The following ZC3H3 variants were observed in gnomAD, a reference collection of about 807,000 sequenced individuals.
The protein encoded by ZC3H3 is zinc finger CCCH-type containing 3.
In ZC3H3, 36 loss-of-function variants were observed where a neutral mutation model predicts 77.3. The ratio of observed to expected loss-of-function variants is 0.47; its 90% CI spans 0.36 to 0.61. The LOEUF (loss-of-function observed/expected upper bound fraction) is 0.61. Among genes scored for constraint, ZC3H3 ranks in the 20% least tolerant of loss-of-function variants. ZC3H3 has a pLI of 0.00. For missense variants in ZC3H3, 1,331 were observed against 1,312.2 expected (o/e 1.01, Z -0.22); for synonymous variants, 626 against 555.2 (o/e 1.13, Z -1.79).
intron 4 of ZC3H3, among the ~76,000 whole-genome samples, chr8:143,476,060 C>A (rs1208693824): frequency 6.6e-6 from 1 of 152,194 alleles, no homozygotes; most frequent in African/African-American, 2.4e-5. Context: ...ACACCTGGCC[C>A]TTGGCACCTG....
intron 4 of ZC3H3, among the ~76,000 whole-genome samples, chr8:143,476,309 T>C (rs537020977): frequency 2.6e-5 from 4 of 152,254 alleles, no homozygotes; most frequent in Non-Finnish European, 4.4e-5. Flanking sequence ...GAAATGCTGA[T>C]GTTGCCTCAA....
chr8:143,461,461 C>A (rs1820260024), intron 9 of ZC3H3, among the ~76,000 whole-genome samples: 1 of 152,166 alleles, frequency 6.6e-6, no homozygotes, highest in Non-Finnish European at 1.5e-5. Flanking sequence ...TAGAGTGACC[C>A]TGTAGCCCTG....
chr8:143,524,827 AC>A (rs1822360007), intron 3 of ZC3H3, among the ~76,000 whole-genome samples: 1 of 152,238 alleles, frequency 6.6e-6, no homozygotes, highest in South Asian at 2.1e-4. Context: ...CCTGCCAGCC[AC>A]GCTCTGCCCC....
chr8:143,532,801 T>C (rs1486367746), intron 3 of ZC3H3, among the ~76,000 whole-genome samples: 1 of 152,076 alleles, frequency 6.6e-6, no homozygotes, highest in African/African-American at 2.4e-5. Flanking sequence ...CTCAACAGCT[T>C]CCTGGGCCCC....
At position 143,536,321 on chromosome 8, in the gene ZC3H3, T is replaced by C; in HGVS notation, c.1497A>G (p.Val499=). The C allele has an allele frequency of 1.2e-6, 2 of 1,611,894 alleles. No individual in the cohort carries two copies. Among genetic ancestry groups the C allele is most frequent in the Non-Finnish European group, 1.7e-6 (2 of 1,179,498 alleles). ...VLKKTPNKGL[V]QVTTHRLCRL... is the part of the protein sequence containing the mutation. Reference sequence around the variant, plus strand: ...GACATAGTCGGTGCGTGGTGACCTGTACCAGGCCCTTGTTGGGGGTCTTCT... The same window carrying C: ...GACATAGTCGGTGCGTGGTGACCTGCACCAGGCCCTTGTTGGGGGTCTTCT... Residue 499 remains valine, a synonymous_variant, in exon 3 of 12, where the codon GTA becomes GTG. Transcript: ENST00000262577.
At chr8:143,472,778 C>A (rs1445316600) in intron 5 of ZC3H3, among the ~76,000 whole-genome samples, 1 of 152,094 alleles carries the variant, frequency 6.6e-6, no homozygotes, top group Non-Finnish European at 1.5e-5. Flanking sequence ...ACAAGCCCCT[C>A]CGTGGGTCCC....
At chr8:143,515,647 C>T (rs1443816795) in intron 3 of ZC3H3, among the ~76,000 whole-genome samples, 9 of 152,210 alleles carry the variant, frequency 5.9e-5, no homozygotes, top group Admixed American at 5.9e-4. Context: ...CTGGCCACCA[C>T]ACAGAACCCA....
intron 3 of ZC3H3, among the ~76,000 whole-genome samples, chr8:143,511,371 A>T (rs762623588): frequency 7.9e-5 from 12 of 152,208 alleles, no homozygotes; most frequent in Non-Finnish European, 1.6e-4. Context: ...GTGGAGCAGG[A>T]GTGAGGGAGA....
chr8:143,440,319 G>C lies in ZC3H3; in HGVS notation c.2537C>G (p.Ser846Trp). 1 of 1,550,176 alleles carries C rather than the reference G, an allele frequency of 6.5e-7. No homozygotes were observed. Among genetic ancestry groups the C allele is most frequent in the Non-Finnish European group, 8.7e-7 (1 of 1,145,166 alleles). ...CACGGCAGCCGCAGTGAGGGCAGCCGAGCTGGGCGTCTGCCTGGTGGGGCG... is the reference window on the plus strand; with the variant it reads ...CACGGCAGCCGCAGTGAGGGCAGCCCAGCTGGGCGTCTGCCTGGTGGGGCG... The part of the protein sequence containing the change: ...SQRPTRQTPS[S>W]AALTAAAVAA... Residue 846 changes from serine to tryptophan, a missense_variant, in exon 11 of 12, where the codon TCG becomes TGG. Ser to Trp is a radical substitution (Grantham distance 177). This residue lies in a region of ZC3H3 where 249 missense variants were observed against 236.9 expected (regional missense o/e 1.05). Transcript: ENST00000262577.
At chr8:143,482,896 C>T (rs542801387) in intron 4 of ZC3H3, among the ~76,000 whole-genome samples, 2 of 152,308 alleles carry the variant, frequency 1.3e-5, no homozygotes, top group Non-Finnish European at 1.5e-5. Context: ...GGCAGGACCA[C>T]AGGAGCAGGT....
At chr8:143,541,265 C>T in intron 1 of ZC3H3, 111 bp downstream of exon 1, 4 of 1,560,580 alleles carry the variant, frequency 2.6e-6, no homozygotes, top group Non-Finnish European at 3.5e-6. Context: ...ACCCCAGCCG[C>T]CACCCAGAAC....
intron 4 of ZC3H3, among the ~76,000 whole-genome samples, chr8:143,477,319 G>A (rs1820763873): frequency 6.6e-6 from 1 of 152,188 alleles, no homozygotes. Flanking sequence ...TGGCGGGAAA[G>A]AGCCCACCAA....
At chr8:143,496,885 G>C (rs1017874199) in intron 4 of ZC3H3, among the ~76,000 whole-genome samples, 2 of 152,214 alleles carry the variant, frequency 1.3e-5, no homozygotes, top group African/African-American at 4.8e-5. Context: ...CATCAGATAA[G>C]CCCAGTGGAA....
intron 4 of ZC3H3, among the ~76,000 whole-genome samples, chr8:143,485,758 A>C (rs753593703): frequency 1.2e-4 from 19 of 152,384 alleles, no homozygotes; most frequent in Admixed American, 2.6e-4. Flanking sequence ...AACTCCCACA[A>C]ATCAGCCAAA....
At chr8:143,535,840 A>G (rs1822777624) in intron 3 of ZC3H3, among the ~76,000 whole-genome samples, 1 of 152,352 alleles carries the variant, frequency 6.6e-6, no homozygotes, top group Admixed American at 6.5e-5. Flanking sequence ...ACACTCAGAA[A>G]GGGCAGGGCA....
intron 3 of ZC3H3, among the ~76,000 whole-genome samples, chr8:143,517,725 C>T (rs1205241947): frequency 3.3e-5 from 5 of 152,208 alleles, no homozygotes; most frequent in Admixed American, 1.3e-4. Context: ...CTGGGACGGG[C>T]CCTTCCCAGG....
At chr8:143,478,225 G>C (rs557076047) in intron 4 of ZC3H3, among the ~76,000 whole-genome samples, 5 of 152,342 alleles carry the variant, frequency 3.3e-5, no homozygotes, top group African/African-American at 1.2e-4. Context: ...CCCCCTGACT[G>C]AGGCTCACAT....
At chr8:143,500,242 G>A (rs1348798386) in intron 4 of ZC3H3, among the ~76,000 whole-genome samples, 2 of 152,238 alleles carry the variant, frequency 1.3e-5, no homozygotes, top group Non-Finnish European at 2.9e-5. Context: ...CAGAAGGACA[G>A]CACAGTGGGC....
intron 5 of ZC3H3, among the ~76,000 whole-genome samples, chr8:143,470,443 C>T (rs1218916357): frequency 6.6e-6 from 1 of 152,202 alleles, no homozygotes; most frequent in Admixed American, 6.5e-5. Context: ...CTCAGGGCAG[C>T]CCCCGTTCTC....
Sources: gnomAD v4.1 joint callset for allele counts (sites outside exome capture counted in the v4.1 genomes callset) on GRCh38, gnomAD v4.1.1 for gene constraint, gnomAD v4.1.1 regional missense constraint, MANE v1.5 for transcripts, NCBI Gene and HGNC (gene_info 2026-07-23, HGNC 2026-07-21) for gene names.